CYLC2: variants seen among roughly 807,000 people sequenced by gnomAD.
The protein encoded by CYLC2 is cylicin-2.
In CYLC2, 30 loss-of-function variants were observed where a neutral mutation model predicts 26.1. The observed-to-expected ratio is 1.15, with a 90% CI of 0.86 to 1.56. The LOEUF is 1.56. CYLC2 is among the 40% of genes most tolerant of loss of function. The pLI is 0.00. For synonymous variants in CYLC2, 158 were observed against 132.8 expected, an observed-to-expected ratio of 1.19 and a Z score of -1.31; for missense variants, 498 against 394.4, an observed-to-expected ratio of 1.26 and a Z score of -2.23.
intron 2 of CYLC2, 131 bp downstream of exon 2, chr9:103,001,749 C>A (rs1281356077): frequency 1.3e-5 from 8 of 608,642 alleles, no homozygotes; most frequent in African/African-American, 7.5e-5. Context: ...TCCCAAGGAA[C>A]CTTTCTTACA....
chr9:103,012,676 T>C (rs1198067604), intron 6 of CYLC2, among the ~76,000 whole-genome samples: 1 of 152,042 alleles, frequency 6.6e-6, no homozygotes, highest in Non-Finnish European at 1.5e-5. Context: ...TGAGTTTTCT[T>C]ATCAGGCTGA....
At chr9:103,011,046 G>A (rs1829401675) in intron 5 of CYLC2, among the ~76,000 whole-genome samples, 1 of 152,000 alleles carries the variant, frequency 6.6e-6, no homozygotes, top group Admixed American at 6.6e-5. Context: ...CTAGATATAA[G>A]ATTATCTGCT....
At chr9:102,997,703 T>C (rs967155377) in intron 1 of CYLC2, among the ~76,000 whole-genome samples, 7 of 151,950 alleles carry the variant, frequency 4.6e-5, no homozygotes, top group Admixed American at 1.3e-4. Context: ...CTTGGGAAGA[T>C]ATATCATTTA....
At chr9:103,013,742 ATAT>A (rs1198285100) in intron 6 of CYLC2, among the ~76,000 whole-genome samples, 11 of 111,126 alleles carry the variant, frequency 9.9e-5, no homozygotes, top group African/African-American at 3.4e-4. Context: ...ATATAATTAT[ATAT>A]TATATTATAT....
intron 6 of CYLC2, among the ~76,000 whole-genome samples, chr9:103,015,322 CAT>C (rs1428509236): frequency 9.0e-5 from 11 of 122,396 alleles, no homozygotes; most frequent in African/African-American, 1.9e-4. Context: ...TTATATATAA[CAT>C]ATACAATATA....
chr9:103,003,065 C>T (rs547087120), intron 2 of CYLC2, 77 bp from the exon 3 acceptor site: 76 of 1,538,110 alleles, frequency 4.9e-5, no homozygotes, highest in South Asian at 6.0e-5. Flanking sequence ...ACATGATATA[C>T]GTTGCACGTA....
intron 6 of CYLC2, among the ~76,000 whole-genome samples, chr9:103,015,708 A>T (rs1297755096): frequency 6.7e-6 from 1 of 149,108 alleles, no homozygotes; most frequent in Non-Finnish European, 1.5e-5. Context: ...TATGGCTTTT[A>T]GAAAATGTTT....
chr9:102,995,802 A>G (rs950369854), intron 1 of CYLC2, among the ~76,000 whole-genome samples: 28 of 151,918 alleles, frequency 1.8e-4, no homozygotes, highest in African/African-American at 6.0e-4. Flanking sequence ...TAGAGGAGGC[A>G]TTATATCGCA....
At chr9:103,003,067 T>G in intron 2 of CYLC2, 75 bp from the exon 3 acceptor site, 1 of 1,559,060 alleles carries the variant, frequency 6.4e-7, no homozygotes. Context: ...ATGATATACG[T>G]TGCACGTAAT....
intron 1 of CYLC2, among the ~76,000 whole-genome samples, chr9:103,001,073 CA>C (rs1829283416): frequency 6.6e-6 from 1 of 151,774 alleles, no homozygotes; most frequent in African/African-American, 2.4e-5. Context: ...TTCACAGGTG[CA>C]CATATAGGCC....
At chr9:103,011,613 T>C (rs115978070) in intron 5 of CYLC2, among the ~76,000 whole-genome samples, 3,005 of 151,994 alleles carry the variant, frequency 0.02, 78 homozygotes, top group African/African-American at 0.068. Context: ...TTAATACAAT[T>C]CCAAAAGGGC....
At chr9:102,999,827 T>G (rs1829270857) in intron 1 of CYLC2, among the ~76,000 whole-genome samples, 1 of 151,922 alleles carries the variant, frequency 6.6e-6, no homozygotes, top group African/African-American at 2.4e-5. Flanking sequence ...ATGATCATGA[T>G]GTATTAGCAA....
chr9:102,999,445 C>T (rs1463309355), intron 1 of CYLC2, among the ~76,000 whole-genome samples: 3 of 151,756 alleles, frequency 2.0e-5, no homozygotes, highest in Admixed American at 2.0e-4. Context: ...AATTTTACTT[C>T]TTCCTTTTCA....
chr9:103,004,953 G>T lies in CYLC2; in HGVS notation c.338-16G>T. ...GATTTTCCCATTTTAAGAAATATTT[G>T]AATATTTATCCCCAGAAATTGGTAA... On this transcript the variant is annotated splice_polypyrimidine_tract_variant and intron_variant, in intron 4 of 7. Coordinates refer to ENST00000374798, the MANE Select transcript of CYLC2 (RefSeq NM_001340.5). 6.3e-7 allele frequency: 1 copy of T among 1,574,822 alleles called. No homozygotes were observed. The highest frequency in any genetic ancestry group is 1.2e-5 in the South Asian group (1 of 84,320).
At chr9:103,014,254 CAT>C (rs1461408057) in intron 6 of CYLC2, among the ~76,000 whole-genome samples, 1 of 123,392 alleles carries the variant, frequency 8.1e-6, no homozygotes. Flanking sequence ...ATATATATCA[CAT>C]AATATATTAC....
At chr9:103,009,045 A>G (rs1285699461) in intron 5 of CYLC2, among the ~76,000 whole-genome samples, 2 of 152,124 alleles carry the variant, frequency 1.3e-5, no homozygotes, top group African/African-American at 4.8e-5. Flanking sequence ...CACTTGTTGC[A>G]TTGGATTTTT....
intron 1 of CYLC2, among the ~76,000 whole-genome samples, 173 bp downstream of exon 1, chr9:102,995,570 G>C (rs758527204): frequency 5.6e-4 from 85 of 151,962 alleles, no homozygotes; most frequent in Non-Finnish European, 9.7e-4. Flanking sequence ...TTTGATTTAA[G>C]ACATAGCTAG....
At chr9:102,996,846 T>A (rs1393976031) in intron 1 of CYLC2, among the ~76,000 whole-genome samples, 1 of 151,984 alleles carries the variant, frequency 6.6e-6, no homozygotes, top group Non-Finnish European at 1.5e-5. Context: ...ACTATACCAT[T>A]TAATAGTTTC....
Position 103,005,264 on chromosome 9 carries a change from A to T in CYLC2, c.633A>T (p.Gly211=), listed in dbSNP as rs368479931. 3 of 1,613,476 alleles carry T rather than the reference A, an allele frequency of 1.9e-6. No homozygotes were observed. Among genetic ancestry groups the T allele is most frequent in the Non-Finnish European group, 1.7e-6 (2 of 1,179,876 alleles). Residue 211 remains glycine, a synonymous_variant, in exon 5 of 8, where the codon GGA becomes GGT. Transcript: ENST00000374798. The stretch of plus-strand genomic sequence containing the variant: ...CAACAGAATCTGAAGGTGAAAAAGG[A>T]GGTACAGAGAAAGATAGCAAAAAAG... The part of the protein sequence containing the change: ...DSATESEGEK[G]GTEKDSKKGK...
Sources: gnomAD v4.1 joint callset for allele counts (sites outside exome capture counted in the v4.1 genomes callset) on GRCh38, gnomAD v4.1.1 for gene constraint, MANE v1.5 for transcripts, NCBI Gene and HGNC (gene_info 2026-07-23, HGNC 2026-07-21) for gene names.